Variants in EBLN2 observed in about 807,000 individuals in gnomAD.
EBLN2 encodes endogenous Bornavirus-like nucleoprotein 2.
For missense variants in EBLN2, 397 were observed against 324.2 expected, an observed-to-expected ratio of 1.22 and a Z score of -1.72; for synonymous variants, 131 against 113.6, an observed-to-expected ratio of 1.15 and a Z score of -0.97.
the EBLN2 span, chr3:73,062,843 CACACTTCTAT>C: frequency 2.5e-6 from 4 of 1,613,826 alleles, no homozygotes; most frequent in Non-Finnish European, 3.4e-6. Context: ...AATTAATGTT[CACACTTCTAT>C]TTGGAGACTT....
chr3:73,062,489 A>G lies in EBLN2; in HGVS notation c.408A>G (p.Leu136=), dbSNP rs763239768. The G allele has an allele frequency of 4.3e-6, 7 of 1,613,510 alleles. No individual in the cohort carries two copies. In the South Asian group the frequency reaches 6.6e-5, roughly 15 times the overall value. ...TCTTGTGTTTCATATTTGATGGGTT[A>G]CACCAGGCATTACTGAGTGTTGGTG... ...LVFLCFIFDG[L]HQALLSVGVS... Residue 136 remains leucine (L), a synonymous_variant, in exon 1 of 1, where the codon TTA becomes TTG. Transcript: ENST00000533473.
rs2231925 is a variant in EBLN2 at position 73,062,573 on chromosome 3, T to C, written c.492T>C (p.Tyr164=). ...AGAACGAGGAAAGGGGTACTCCTTA[T>C]GCTAGCAGATTCAAAGATATGCCTA... is the stretch of plus-strand genomic sequence containing the variant. ...GNENEERGTP[Y]ASRFKDMPNF... The change falls in exon 1 of 1, where the codon TAT becomes TAC. Residue 164 remains tyrosine, a synonymous_variant. Coordinates refer to ENST00000533473, the MANE Select transcript of EBLN2 (RefSeq NM_018029.4). The C allele has an allele frequency of 6.2e-7, 1 of 1,614,028 alleles. No individual in the cohort carries two copies. Among genetic ancestry groups the C allele is most frequent in the Middle Eastern group, 1.7e-4 (1 of 6,060 alleles).
Position 73,062,986 on chromosome 3 carries a change from C to A in EBLN2, c.*86C>A. ...ATGGATGGCTCCATTGCTCTACGGG[C>A]CATTGTGTCTGAGATCCCAGTCTTT... On this transcript the variant is annotated 3_prime_UTR_variant, in exon 1 of 1. Transcript: ENST00000533473. 1 of 1,163,088 alleles carries A rather than the reference C, an allele frequency of 8.6e-7. No individual in the cohort carries two copies. Among genetic ancestry groups the A allele is most frequent in the Non-Finnish European group, 1.2e-6 (1 of 805,350 alleles). 72.0% of individuals were successfully genotyped at this position (1,163,088 alleles called of 1,614,324 possible). A position where few individuals can be genotyped will look rare whatever the true frequency, so the allele number is the denominator to read the frequency against.
rs1282635051 is a variant in EBLN2 at position 73,061,977 on chromosome 3, T to C, written c.-105T>C. The C allele has an allele frequency of 1.3e-6, 1 of 749,756 alleles. No individual in the cohort carries two copies. The highest frequency in any genetic ancestry group is 2.0e-5 in the South Asian group (1 of 50,594). The allele number at this position is 749,756 out of a possible 1,614,324, so 46.4% of individuals were successfully genotyped here. ...AAAAACTATTAAAATGTATACATGA[T>C]AAAAATTTCTTTTATGAAGCAAAAT... On this transcript the variant is annotated 5_prime_UTR_variant, in exon 1 of 1. Transcript: ENST00000533473.
rs757735056 is a variant in EBLN2 at position 73,062,118 on chromosome 3, T to C, written c.37T>C (p.Ser13Pro). The C allele has an allele frequency of 6.5e-7, 1 of 1,548,358 alleles. No individual in the cohort carries two copies. Among genetic ancestry groups the C allele is most frequent in the East Asian group, 2.4e-5 (1 of 41,508 alleles). ...TCTTAAATTGTATGCTTATGTTAATTCTCACAGTCTTTTTGTTTGGGTCTG... is the reference window on the plus strand; with the variant it reads ...TCTTAAATTGTATGCTTATGTTAATCCTCACAGTCTTTTTGTTTGGGTCTG... ...YFLKLYAYVN[S>P]HSLFVWVCDR... Residue 13 changes from serine to proline, a missense_variant, in exon 1 of 1, where the codon TCT becomes CCT. Physicochemically the swap from Ser to Pro is moderately conservative, Grantham distance 74 (BLOSUM62 -1). Coordinates refer to ENST00000533473, the MANE Select transcript of EBLN2 (RefSeq NM_018029.4).
chr3:73,062,761 G>A lies in EBLN2; in HGVS notation c.680G>A (p.Ser227Asn), dbSNP rs750018607. Residue 227 changes from serine (S) to asparagine (N), a missense_variant, in exon 1 of 1, where the codon AGT becomes AAT. Coordinates refer to ENST00000533473, the MANE Select transcript of EBLN2 (RefSeq NM_018029.4). The part of the protein sequence containing the change: ...ASIGRLSHGE[S>N]ADLLISCNAE... ...ATTGGAAGACTTTCACATGGTGAGAGTGCTGATCTGCTAATCAGCTGCAAT... is the reference window on the plus strand; with the variant it reads ...ATTGGAAGACTTTCACATGGTGAGAATGCTGATCTGCTAATCAGCTGCAAT... 1.9e-6 allele frequency: 3 copies of A among 1,613,990 alleles called. No homozygotes were observed. Among genetic ancestry groups the A allele is most frequent in the South Asian group, 1.1e-5 (1 of 91,086 alleles).
chr3:73,062,090 T>C lies in EBLN2; in HGVS notation c.9T>C (p.Tyr3=), dbSNP rs1221526448. The C allele has an allele frequency of 6.5e-7, 1 of 1,538,294 alleles. No homozygotes were observed. The highest frequency in any genetic ancestry group is 8.7e-7 in the Non-Finnish European group (1 of 1,143,826). The change falls in exon 1 of 1, where the codon TAT becomes TAC. Residue 3 remains tyrosine, a synonymous_variant. Coordinates refer to ENST00000533473, the MANE Select transcript of EBLN2 (RefSeq NM_018029.4). MG[Y]FLKLYAYVNS... ...AGTCATAGCGACTAATAATGGGTTA[T>C]TTTCTTAAATTGTATGCTTATGTTA...
exon 1 of EBLN2, chr3:73,063,318 TAAAA>T (rs534798966): frequency 4.2e-4 from 39 of 92,170 alleles, no homozygotes; most frequent in African/African-American, 1.3e-3. Context: ...TCTCATTATT[TAAAA>T]AAAAAAAAAA....
chr3:73,061,876 T>C lies in EBLN2; in HGVS notation c.-206T>C. 1 of 497,904 alleles carries C rather than the reference T, an allele frequency of 2.0e-6. No individual in the cohort carries two copies. Among genetic ancestry groups the C allele is most frequent in the Admixed American group, 4.0e-5 (1 of 25,258 alleles). 30.8% of individuals were successfully genotyped at this position (497,904 alleles called of 1,614,324 possible). ...CCACACCCAGCCCAGTCAATTTGTTTTTAGAATGTTCCCAAGAATATAGTT... is the reference window on the plus strand; with the variant it reads ...CCACACCCAGCCCAGTCAATTTGTTCTTAGAATGTTCCCAAGAATATAGTT... On this transcript the variant is annotated 5_prime_UTR_variant, in exon 1 of 1. Coordinates refer to ENST00000533473, the MANE Select transcript of EBLN2 (RefSeq NM_018029.4).
Position 73,062,973 on chromosome 3 carries a change from A to C in EBLN2, c.*73A>C. 2 of 1,306,452 alleles carry C rather than the reference A, an allele frequency of 1.5e-6. No homozygotes were observed. Among genetic ancestry groups the C allele is most frequent in the Non-Finnish European group, 1.1e-6 (1 of 925,630 alleles). The allele number at this position is 1,306,452 out of a possible 1,614,324, so 80.9% of individuals were successfully genotyped here. A position where few individuals can be genotyped will look rare whatever the true frequency, so the allele number is the denominator to read the frequency against. On this transcript the variant is annotated 3_prime_UTR_variant, in exon 1 of 1. Transcript: ENST00000533473. ...TCTAGATCAGTGCATGGATGGCTCC[A>C]TTGCTCTACGGGCCATTGTGTCTGA...
Position 73,061,812 on chromosome 3 carries a change from C to G in EBLN2, c.-270C>G, listed in dbSNP as rs939043355. 1 of 363,296 alleles carries G rather than the reference C, an allele frequency of 2.8e-6. No individual in the cohort carries two copies. The highest frequency in any genetic ancestry group is 5.0e-6 in the Non-Finnish European group (1 of 198,694). The allele number at this position is 363,296 out of a possible 1,614,324, so 22.5% of individuals were successfully genotyped here. On this transcript the variant is annotated 5_prime_UTR_variant, in exon 1 of 1. Transcript: ENST00000533473. The stretch of plus-strand genomic sequence containing the variant: ...CCTTAAACTCTAGTGATCCTCCCGC[C>G]TTGGCCTTCCAAAGTGCTGAGATTA...
chr3:73,062,399 A>G lies in EBLN2; in HGVS notation c.318A>G (p.Ala106=). The change falls in exon 1 of 1, where the codon GCA becomes GCG. Residue 106 remains alanine, a synonymous_variant. Transcript: ENST00000533473. ...SIGDIKDIKK[A]AKSMLDPAHK... is the part of the protein sequence containing the mutation. Reference sequence around the variant, plus strand: ...GGGATATTAAGGACATTAAAAAAGCAGCCAAGTCTATGCTAGACCCAGCAC... The same window carrying G: ...GGGATATTAAGGACATTAAAAAAGCGGCCAAGTCTATGCTAGACCCAGCAC... The G allele has an allele frequency of 1.2e-6, 2 of 1,607,638 alleles. No individual in the cohort carries two copies. Among genetic ancestry groups the G allele is most frequent in the Non-Finnish European group, 1.7e-6 (2 of 1,178,228 alleles).
At position 73,062,023 on chromosome 3, in the gene EBLN2, A is replaced by C. The variant is rs948220486; in HGVS notation, c.-59A>C. ...AAAATATGTTTTGTTTTGCTCATGA[A>C]CGTGAGGTATTTTGGAAAAATGGTA... On this transcript the variant is annotated 5_prime_UTR_variant, in exon 1 of 1. Transcript: ENST00000533473. 2.4e-6 allele frequency: 3 copies of C among 1,241,352 alleles called. No individual in the cohort carries two copies. The highest frequency in any genetic ancestry group is 2.8e-4 in the Middle Eastern group (1 of 3,572). The allele number at this position is 1,241,352 out of a possible 1,614,324, so 76.9% of individuals were successfully genotyped here.
In EBLN2 at chr3:73,062,995, C is replaced by A; in HGVS notation, c.*95C>A. ...TCCATTGCTCTACGGGCCATTGTGT[C>A]TGAGATCCCAGTCTTTGAGGAGAAA... On this transcript the variant is annotated 3_prime_UTR_variant, in exon 1 of 1. Coordinates refer to ENST00000533473, the MANE Select transcript of EBLN2 (RefSeq NM_018029.4). The A allele has an allele frequency of 9.2e-7, 1 of 1,083,792 alleles. No individual in the cohort carries two copies. The highest frequency in any genetic ancestry group is 1.4e-6 in the Non-Finnish European group (1 of 735,724). 67.1% of individuals were successfully genotyped at this position (1,083,792 alleles called of 1,614,324 possible). A position where few individuals can be genotyped will look rare whatever the true frequency, so the allele number is the denominator to read the frequency against.
chr3:73,062,563 G>T lies in EBLN2; in HGVS notation c.482G>T (p.Gly161Val), dbSNP rs1338748206. The T allele has an allele frequency of 2.5e-6, 4 of 1,613,848 alleles. No individual in the cohort carries two copies. The East Asian group carries it at 6.7e-5, about 27-fold the overall frequency. Residue 161 changes from glycine (G) to valine (V), a missense_variant, in exon 1 of 1, where the codon GGT (glycine) becomes GTT (valine). Transcript: ENST00000533473. ...TVVGNENEER[G>V]TPYASRFKDM... Reference sequence around the variant, plus strand: ...GTTGGGAATGAGAACGAGGAAAGGGGTACTCCTTATGCTAGCAGATTCAAA... The same window carrying T: ...GTTGGGAATGAGAACGAGGAAAGGGTTACTCCTTATGCTAGCAGATTCAAA...
chr3:73,062,466 T>G lies in EBLN2; in HGVS notation c.385T>G (p.Leu129Val). 6.2e-7 allele frequency: 1 copy of G among 1,612,950 alleles called. No individual in the cohort carries two copies. The highest frequency in any genetic ancestry group is 8.5e-7 in the Non-Finnish European group (1 of 1,179,420). ...CCCTGTGACCCCAAGTTTAGTATTC[T>G]TGTGTTTCATATTTGATGGGTTACA... Reference protein sequence around the residue: ...FHPVTPSLVFLCFIFDGLHQA... With the variant: ...FHPVTPSLVFVCFIFDGLHQA... The change falls in exon 1 of 1, where the codon TTG becomes GTG. Residue 129 changes from leucine to valine, a missense_variant. Coordinates refer to ENST00000533473, the MANE Select transcript of EBLN2 (RefSeq NM_018029.4).
the EBLN2 span, chr3:73,062,293 C>CTG: frequency 6.2e-7 from 1 of 1,607,928 alleles, no homozygotes; most frequent in Non-Finnish European, 8.5e-7. Context: ...AGTGGGCTCC[C>CTG]TGACCTTCAA....
Position 73,062,844 on chromosome 3 carries a change from A to G in EBLN2, c.763A>G (p.Thr255Ala). Residue 255 changes from threonine to alanine, a missense_variant, in exon 1 of 1, where the codon ACA becomes GCA. Thr to Ala is a moderately conservative substitution (Grantham distance 58, BLOSUM62 0). Coordinates refer to ENST00000533473, the MANE Select transcript of EBLN2 (RefSeq NM_018029.4). Reference sequence around the variant, plus strand: ...ACCATGGGTTGGAGAATTAATGTTCACACTTCTATTTGGAGACTTTGAATC... The same window carrying G: ...ACCATGGGTTGGAGAATTAATGTTCGCACTTCTATTTGGAGACTTTGAATC... ...SRPWVGELMF[T>A]LLFGDFESPL... 6.2e-7 allele frequency: 1 copy of G among 1,613,842 alleles called. No individual in the cohort carries two copies. Among genetic ancestry groups the G allele is most frequent in the Non-Finnish European group, 8.5e-7 (1 of 1,179,832 alleles).
chr3:73,062,046 G>A lies in EBLN2; in HGVS notation c.-36G>A. 1.4e-6 allele frequency: 2 copies of A among 1,442,104 alleles called. No individual in the cohort carries two copies. Among genetic ancestry groups the A allele is most frequent in the South Asian group, 1.4e-5 (1 of 73,204 alleles). The allele number at this position is 1,442,104 out of a possible 1,614,324, so 89.3% of individuals were successfully genotyped here. Reference sequence around the variant, plus strand: ...GAACGTGAGGTATTTTGGAAAAATGGTAAAGAAGTGCAGAGTCAAGTCATA... The same window carrying A: ...GAACGTGAGGTATTTTGGAAAAATGATAAAGAAGTGCAGAGTCAAGTCATA... On this transcript the variant is annotated 5_prime_UTR_variant, in exon 1 of 1. Transcript: ENST00000533473.
Sources: gnomAD v4.1 joint callset for allele counts on GRCh38, gnomAD v4.1.1 for gene constraint, MANE v1.5 for transcripts, NCBI Gene and HGNC (gene_info 2026-07-23, HGNC 2026-07-21) for gene names.